The following CD58 variants were observed in gnomAD, a reference collection of about 807,000 sequenced individuals.
The protein encoded by CD58 is lymphocyte function-associated antigen 3.
Under a neutral mutation model 27.6 loss-of-function variants are expected in CD58, and 14 were observed. The ratio of observed to expected loss-of-function variants is 0.51; its 90% CI spans 0.34 to 0.79. The LOEUF is 0.79. Ranked by LOEUF, CD58 falls within the 30% of genes least tolerant of loss-of-function variation. The pLI, the probability that CD58 is intolerant of heterozygous loss-of-function variation, is 0.02. For synonymous variants in CD58, 117 were observed against 103.8 expected (o/e 1.13, Z -0.77); for missense variants, 268 against 301.7 (o/e 0.89, Z 0.83).
At chr1:116,525,947 G>A (rs1403376394) in intron 3 of CD58, among the ~76,000 whole-genome samples, 5 of 152,134 alleles carry the variant, frequency 3.3e-5, no homozygotes, top group Non-Finnish European at 5.9e-5. Flanking sequence ...CACCGCACCC[G>A]GCCCAGGAGT....
chr1:116,525,449 G>A (rs979022873), intron 3 of CD58, among the ~76,000 whole-genome samples: 1 of 152,140 alleles, frequency 6.6e-6, no homozygotes, highest in African/African-American at 2.4e-5. Flanking sequence ...AGGACATCTT[G>A]GTTGCTTCCA....
chr1:116,515,106 A>G lies in CD58; in HGVS notation c.744-284T>C, dbSNP rs966214599. ...GAGTATAACTGAAAGATTGAACAAC[A>G]GAGCTGAGACTGTTAGACCCACATG... On this transcript the variant is annotated intron_variant, in intron 5 of 5. Coordinates refer to ENST00000369489, the MANE Select transcript of CD58 (RefSeq NM_001779.3). This position sits in a 1 kb window ranked among gnomAD's most constrained non-coding sequence, Gnocchi z 4.6. Among the ~76,000 whole-genome samples the G allele has an allele frequency of 2.6e-5, 4 of 152,220 alleles. No individual in the cohort carries two copies. Among genetic ancestry groups the G allele is most frequent in the African/African-American group, 7.2e-5 (3 of 41,460 alleles).
Position 116,532,852 on chromosome 1 carries a change from G to C in CD58, c.628+3113C>G, listed in dbSNP as rs1657662352. 1.6e-6 allele frequency: 1 copy of C among 624,530 alleles called. No individual in the cohort carries two copies. Among genetic ancestry groups the C allele is most frequent in the African/African-American group, 1.8e-5 (1 of 54,246 alleles). The allele number at this position is 624,530 out of a possible 1,614,324, so 38.7% of individuals were successfully genotyped here. ...TGGAGTAAGCGCTGTCGACGGGATT[G>C]TGCCGCATGCGGCAAAGACTGAGGC... On this transcript the variant is annotated intron_variant, in intron 3 of 5. Transcript: ENST00000369489. The surrounding 1 kb of genome is among the most constrained non-coding windows in gnomAD (Gnocchi z 5.1).
Position 116,519,429 on chromosome 1 carries a change from A to T in CD58, c.707-162T>A. On this transcript the variant is annotated intron_variant, in intron 4 of 5. Transcript: ENST00000369489. This position sits in a 1 kb window ranked among gnomAD's most constrained non-coding sequence, Gnocchi z 4.7. ...CTATATGCTTTAAATCAAATCGGCT[A>T]CAGAGCTGGTCCAAAGAGTTGTTCA... 1.4e-6 allele frequency: 1 copy of T among 699,020 alleles called. No homozygotes were observed. 43.3% of individuals were successfully genotyped at this position (699,020 alleles called of 1,614,324 possible).
Position 116,557,876 on chromosome 1 carries a change from G to A in CD58, c.70+13027C>T, listed in dbSNP as rs1383741751. Among the ~76,000 whole-genome samples the A allele has an allele frequency of 6.6e-6, 1 of 151,980 alleles. No homozygotes were observed. The highest frequency in any genetic ancestry group is 1.5e-5 in the Non-Finnish European group (1 of 68,016). ...TTTTGTAGAAACAAGGTCTCACTAT[G>A]TTGCTCAGGCTGATCTCAAACTCGT... On this transcript the variant is annotated intron_variant, in intron 1 of 5. Transcript: ENST00000369489. This position sits in a 1 kb window ranked among gnomAD's most constrained non-coding sequence, Gnocchi z 5.2.
chr1:116,529,075 GTAT>G (rs550622290), intron 3 of CD58, among the ~76,000 whole-genome samples: 71 of 152,284 alleles, frequency 4.7e-4, no homozygotes, highest in African/African-American at 1.6e-3. Flanking sequence ...TGTAAAGTAA[GTAT>G]TATTATCCCC....
rs776953061 is a variant in CD58, at chr1:116,536,426, C to T, written c.365-198G>A. Among the ~76,000 whole-genome samples the T allele has an allele frequency of 6.6e-6, 1 of 151,996 alleles. No homozygotes were observed. The highest frequency in any genetic ancestry group is 2.4e-5 in the African/African-American group (1 of 41,372). On this transcript the variant is annotated intron_variant, in intron 2 of 5. Transcript: ENST00000369489. This position sits in a 1 kb window ranked among gnomAD's most constrained non-coding sequence, Gnocchi z 5.4. ...CAAATTTAACAGAATAAATTCAGAC[C>T]CTGATATGGTTTGGCTCTGGGTCCT...
intron 1 of CD58, among the ~76,000 whole-genome samples, chr1:116,556,675 C>T (rs1295535077): frequency 6.6e-6 from 1 of 152,124 alleles, no homozygotes; most frequent in African/African-American, 2.4e-5. Flanking sequence ...AAAAGCCAGA[C>T]CAGAAACAAT....
rs139191581 is a variant in CD58, at chr1:116,520,236, T to C, written c.707-969A>G. On this transcript the variant is annotated intron_variant, in intron 4 of 5. Transcript: ENST00000369489. ...CTGCCTCCCTCCCGCCTCAGCCTCC[T>C]GAGTAGCTGGGACTACAGGCATGCA... 7.3e-3 allele frequency among the ~76,000 whole-genome samples: 1,115 copies of C among 152,224 alleles called. 14 individuals are homozygous for C. Among genetic ancestry groups the C allele is most frequent in the African/African-American group, 0.026 (1,061 of 41,532 alleles).
At chr1:116,555,015 C>G (rs1171058749) in intron 1 of CD58, among the ~76,000 whole-genome samples, 118 of 152,066 alleles carry the variant, frequency 7.8e-4, no homozygotes, top group Non-Finnish European at 2.8e-4. Context: ...TCAAAGGTCA[C>G]AAACCATGGA....
intron 3 of CD58, chr1:116,533,040 C>G: frequency 1.4e-6 from 1 of 724,906 alleles, no homozygotes; most frequent in South Asian, 1.4e-5. Flanking sequence ...TCGTCCTCTT[C>G]TTCTTCACCT....
At chr1:116,533,011 C>T (rs1657669165) in intron 3 of CD58, 1 of 739,276 alleles carries the variant, frequency 1.4e-6, no homozygotes, top group African/African-American at 1.7e-5. Context: ...CATCTTCTCC[C>T]TCCTCATCAC....
Position 116,516,541 on chromosome 1 carries a change from C to T in CD58, c.744-1719G>A, listed in dbSNP as rs1657087209. Among the ~76,000 whole-genome samples the T allele has an allele frequency of 6.6e-6, 1 of 152,160 alleles. No individual in the cohort carries two copies. The highest frequency in any genetic ancestry group is 2.4e-5 in the African/African-American group (1 of 41,424). On this transcript the variant is annotated intron_variant, in intron 5 of 5. Transcript: ENST00000369489. The surrounding 1 kb of genome is among the most constrained non-coding windows in gnomAD (Gnocchi z 6.1). ...CTTGCAAATATTCAGTGTCTTTTGC[C>T]TCTACTTCAACTCGATGCCAGGCAG...
intron 5 of CD58, chr1:116,518,689 T>C: frequency 1.0e-6 from 1 of 987,056 alleles, no homozygotes; most frequent in Non-Finnish European, 1.2e-6. Flanking sequence ...AGGGGGCCTC[T>C]TGGAGCACCC....
chr1:116,567,791 A>T (rs1658989879), intron 1 of CD58, among the ~76,000 whole-genome samples: 1 of 152,236 alleles, frequency 6.6e-6, no homozygotes, highest in Non-Finnish European at 1.5e-5. Context: ...CAAAGGTAAA[A>T]TGGTGCCTCT....
In CD58 at chr1:116,536,297, G is replaced by A. The variant is rs576382091; in HGVS notation, c.365-69C>T. ...TTAGACTTATCATCTGCAAATTTAT[G>A]AAGAGCTCGCAACCTCCTTACAAGC... On this transcript the variant is annotated intron_variant, in intron 2 of 5. Transcript: ENST00000369489. This position sits in a 1 kb window ranked among gnomAD's most constrained non-coding sequence, Gnocchi z 5.4. 8.5e-4 allele frequency: 1,034 copies of A among 1,209,970 alleles called. No individual in the cohort carries two copies. Among genetic ancestry groups the A allele is most frequent in the Non-Finnish European group, 1.1e-3 (982 of 875,948 alleles). The allele number at this position is 1,209,970 out of a possible 1,614,324, so 75.0% of individuals were successfully genotyped here.
Position 116,570,548 on chromosome 1 carries a change from T to G in CD58, c.70+355A>C, listed in dbSNP as rs1659106798. Reference sequence around the variant, plus strand: ...TTCACGGCTGGGAAAAATTTTGCAGTCCGCTGAAGCGCTCAGCGACGTTAC... The same window carrying G: ...TTCACGGCTGGGAAAAATTTTGCAGGCCGCTGAAGCGCTCAGCGACGTTAC... On this transcript the variant is annotated intron_variant, in intron 1 of 5. Coordinates refer to ENST00000369489, the MANE Select transcript of CD58 (RefSeq NM_001779.3). This position sits in a 1 kb window ranked among gnomAD's most constrained non-coding sequence, Gnocchi z 6.4. Among the ~76,000 whole-genome samples, 1 of 151,470 alleles carries G rather than the reference T, an allele frequency of 6.6e-6. No homozygotes were observed. The highest frequency in any genetic ancestry group is 6.5e-5 in the Admixed American group (1 of 15,268).
At chr1:116,542,538 G>T (rs544866417) in intron 2 of CD58, among the ~76,000 whole-genome samples, 1 of 152,210 alleles carries the variant, frequency 6.6e-6, no homozygotes, top group East Asian at 1.9e-4. Context: ...ACTTCTTCAA[G>T]GAGATTTTCT....
chr1:116,549,956 T>C (rs889904711), intron 1 of CD58, among the ~76,000 whole-genome samples: 3 of 152,212 alleles, frequency 2.0e-5, no homozygotes, highest in Non-Finnish European at 4.4e-5. Flanking sequence ...TATACTGTAG[T>C]CTATTAAAGT....
Sources: gnomAD v4.1 joint callset for allele counts (sites outside exome capture counted in the v4.1 genomes callset) on GRCh38, gnomAD v4.1.1 for gene constraint, Gnocchi (gnomAD v3.1) non-coding constraint, MANE v1.5 for transcripts, NCBI Gene and HGNC (gene_info 2026-07-23, HGNC 2026-07-21) for gene names.